GALNT13: variants seen among roughly 807,000 people sequenced by gnomAD.
The protein encoded by GALNT13 is polypeptide N-acetylgalactosaminyltransferase 13.
GALNT13 carries 28 observed loss-of-function variants against 64.2 expected under a neutral mutation model. The observed-to-expected ratio is 0.44, with a 90% CI of 0.32 to 0.60. The LOEUF (loss-of-function observed/expected upper bound fraction) is 0.60, where lower values mean the gene tolerates loss of function less well. Among genes scored for constraint, GALNT13 ranks in the 20% least tolerant of loss-of-function variants. The pLI is 0.05. For synonymous variants in GALNT13, 214 were observed against 224.6 expected (o/e 0.95, Z 0.42); for missense variants, 577 against 669.8 (o/e 0.86, Z 1.53).
At chr2:153,613,855 G>T in the GALNT13 span, among the ~76,000 whole-genome samples, 8 of 152,008 alleles carry the variant, frequency 5.3e-5, no homozygotes, top group African/African-American at 1.7e-4. Flanking sequence ...ACGCACTGGG[G>T]CCTGTCGTGG....
the GALNT13 span, among the ~76,000 whole-genome samples, chr2:153,403,278 T>C: frequency 2.0e-5 from 3 of 151,494 alleles, 1 homozygote; most frequent in African/African-American, 7.3e-5. Flanking sequence ...GGAGGCAGTC[T>C]GCCCGTTCTC....
the GALNT13 span, among the ~76,000 whole-genome samples, chr2:153,642,128 C>T: frequency 6.6e-6 from 1 of 151,788 alleles, no homozygotes. Context: ...CCTGGATTTT[C>T]GAGCCCTCAC....
At chr2:153,330,962 G>C in the GALNT13 span, among the ~76,000 whole-genome samples, 1 of 152,070 alleles carries the variant, frequency 6.6e-6, no homozygotes, top group Non-Finnish European at 1.5e-5. Flanking sequence ...TCAATGACTA[G>C]TTTGTTGAGG....
rs1411054206 is a variant in GALNT13, at chr2:154,033,632, A to G, written c.142+88993A>G. ...AATGAGATACCACTACACACCTATT[A>G]TTATAACTTTATAAAAACTGAAAGG... On this transcript the variant is annotated intron_variant, in intron 3 of 12. Transcript: ENST00000392825. Among the ~76,000 whole-genome samples, 4 of 152,156 alleles carry G rather than the reference A, an allele frequency of 2.6e-5. No individual in the cohort carries two copies. The East Asian group carries it at 7.7e-4, about 29-fold the overall frequency.
chr2:153,175,615 T>C, the GALNT13 span, among the ~76,000 whole-genome samples: 5 of 152,164 alleles, frequency 3.3e-5, no homozygotes, highest in Non-Finnish European at 7.3e-5. Flanking sequence ...CTCTAAGCAG[T>C]GTTATTTTTG....
chr2:153,591,433 G>A, the GALNT13 span, among the ~76,000 whole-genome samples: 1 of 151,776 alleles, frequency 6.6e-6, no homozygotes, highest in Admixed American at 6.6e-5. Flanking sequence ...ATTTCCCTCA[G>A]AATTAGAAAA....
Position 154,306,660 on chromosome 2 carries a change from A to G in GALNT13, c.1156+5071A>G, listed in dbSNP as rs79289029. Reference sequence around the variant, plus strand: ...AATGGGGAGTGCTGATTAGTCAGAGATGAAATCATAGGGTATTGAAGTGGG... The same window carrying G: ...AATGGGGAGTGCTGATTAGTCAGAGGTGAAATCATAGGGTATTGAAGTGGG... On this transcript the variant is annotated intron_variant, in intron 9 of 12. Coordinates refer to ENST00000392825, the MANE Select transcript of GALNT13 (RefSeq NM_052917.4). 7.0e-3 allele frequency among the ~76,000 whole-genome samples: 1,042 copies of G among 149,268 alleles called. 16 individuals carry two copies. Among genetic ancestry groups the G allele is most frequent in the African/African-American group, 0.024 (983 of 40,712 alleles).
At chr2:153,594,518 A>G in the GALNT13 span, among the ~76,000 whole-genome samples, 2 of 151,040 alleles carry the variant, frequency 1.3e-5, no homozygotes, top group Non-Finnish European at 2.9e-5. Context: ...AAATCTTTCA[A>G]TTATCCTCAT....
chr2:153,251,701 A>G, the GALNT13 span, among the ~76,000 whole-genome samples: 1 of 143,348 alleles, frequency 7.0e-6, no homozygotes, highest in Non-Finnish European at 1.5e-5. Flanking sequence ...GTTCCCACGT[A>G]TGAGTGAGAA....
intron 9 of GALNT13, among the ~76,000 whole-genome samples, chr2:154,314,956 T>G (rs1694246641): frequency 6.6e-6 from 1 of 152,178 alleles, no homozygotes; most frequent in African/African-American, 2.4e-5. Flanking sequence ...ATTTTAAATA[T>G]AATTTGAGTT....
chr2:153,583,761 G>A, the GALNT13 span, among the ~76,000 whole-genome samples: 1 of 152,140 alleles, frequency 6.6e-6, no homozygotes, highest in Non-Finnish European at 1.5e-5. Flanking sequence ...TTGAATAGCT[G>A]CACACGGTCC....
chr2:153,797,944 A>G, the GALNT13 span, among the ~76,000 whole-genome samples: 2 of 152,150 alleles, frequency 1.3e-5, no homozygotes, highest in African/African-American at 4.8e-5. Flanking sequence ...AAGCCCTACC[A>G]TCATCTAGCA....
At chr2:154,393,603 T>C (rs1320236183) in intron 9 of GALNT13, among the ~76,000 whole-genome samples, 1 of 152,204 alleles carries the variant, frequency 6.6e-6, no homozygotes, top group Non-Finnish European at 1.5e-5. Flanking sequence ...TTTCTAAAGG[T>C]AATTTAGCAT....
the GALNT13 span, among the ~76,000 whole-genome samples, chr2:153,137,463 G>A: frequency 2.0e-5 from 3 of 151,926 alleles, no homozygotes; most frequent in African/African-American, 7.2e-5. Flanking sequence ...CCTGGTACAC[G>A]AAACCACTCC....
chr2:154,257,614 A>G (rs975733797), intron 7 of GALNT13: 5 of 152,182 alleles, frequency 3.3e-5, no homozygotes, highest in African/African-American at 4.8e-5. Context: ...GCGAAAAGTA[A>G]TAAAATAGCT....
the GALNT13 span, among the ~76,000 whole-genome samples, chr2:153,119,868 G>A: frequency 6.6e-6 from 1 of 152,128 alleles, no homozygotes; most frequent in South Asian, 2.1e-4. Flanking sequence ...CTTAACACGT[G>A]TTCTACGTTT....
At chr2:153,254,269 G>C in the GALNT13 span, among the ~76,000 whole-genome samples, 1 of 152,150 alleles carries the variant, frequency 6.6e-6, no homozygotes, top group Non-Finnish European at 1.5e-5. Flanking sequence ...GGTATTTGTA[G>C]TATTCTCTGA....
the GALNT13 span, among the ~76,000 whole-genome samples, chr2:153,637,736 A>G: frequency 6.6e-6 from 1 of 152,122 alleles, no homozygotes; most frequent in Non-Finnish European, 1.5e-5. Context: ...TAATCTGTGT[A>G]TGTGTGGAGT....
chr2:154,154,651 G>A (rs1684291706), intron 4 of GALNT13, among the ~76,000 whole-genome samples: 1 of 152,054 alleles, frequency 6.6e-6, no homozygotes, highest in Non-Finnish European at 1.5e-5. Context: ...GCAATATGTA[G>A]TAATTAATTA....
Sources: allele counts gnomAD v4.1 joint callset (sites outside exome capture counted in the v4.1 genomes callset), GRCh38; gene constraint gnomAD v4.1.1; transcripts MANE v1.5; gene names NCBI Gene and HGNC (gene_info 2026-07-23, HGNC 2026-07-21).